Variants in TMTC2 observed in about 807,000 individuals in gnomAD.
The protein encoded by TMTC2 is transmembrane O-mannosyltransferase targeting cadherins 2, also known as protein O-mannosyl-transferase TMTC2.
TMTC2 carries 43 observed loss-of-function variants against 82.4 expected under a neutral mutation model. The observed-to-expected ratio is 0.52, with a 90% CI of 0.41 to 0.67. The LOEUF is 0.67. Ranked by LOEUF, TMTC2 falls within the 30% of genes least tolerant of loss-of-function variation. TMTC2 has a pLI of 0.00. For missense variants in TMTC2, 919 were observed against 1,012.4 expected, an observed-to-expected ratio of 0.91 and a Z score of 1.25; for synonymous variants, 408 against 381.9, an observed-to-expected ratio of 1.07 and a Z score of -0.80.
intron 9 of TMTC2, among the ~76,000 whole-genome samples, chr12:83,032,257 T>TTATATATATATATATATA (rs57604518): frequency 1.4e-4 from 18 of 130,826 alleles, no homozygotes; most frequent in South Asian, 2.4e-4. Flanking sequence ...AGAGAATATT[T>TTATATATATATATATATA]TATATATATA....
At chr12:82,752,465 G>A (rs1283527401) in intron 1 of TMTC2, among the ~76,000 whole-genome samples, 5 of 152,032 alleles carry the variant, frequency 3.3e-5, no homozygotes, top group Non-Finnish European at 7.4e-5. Flanking sequence ...CAGCCTGGGC[G>A]ACAGAGCGAG....
chr12:82,737,046 C>T (rs889866720), intron 1 of TMTC2, among the ~76,000 whole-genome samples: 4 of 152,174 alleles, frequency 2.6e-5, no homozygotes, highest in African/African-American at 9.6e-5. Flanking sequence ...AATAAAAAGT[C>T]CATCAGGGAG....
chr12:82,833,091 T>C (rs914057506), intron 1 of TMTC2, among the ~76,000 whole-genome samples: 2 of 152,230 alleles, frequency 1.3e-5, no homozygotes, highest in Admixed American at 1.3e-4. Flanking sequence ...CTATGCATTT[T>C]TGTCGTCTTT....
At chr12:82,990,392 A>C (rs1387117789) in intron 8 of TMTC2, among the ~76,000 whole-genome samples, 2 of 152,128 alleles carry the variant, frequency 1.3e-5, no homozygotes, top group Non-Finnish European at 2.9e-5. Flanking sequence ...ATATTTACAG[A>C]ATTTAGAAAA....
At chr12:82,939,934 A>G (rs2137260296) in intron 4 of TMTC2, among the ~76,000 whole-genome samples, 1 of 150,944 alleles carries the variant, frequency 6.6e-6, no homozygotes, top group East Asian at 1.9e-4. Context: ...CAGTGATTGT[A>G]TATTAAAGTA....
chr12:83,083,981 T>C (rs377634261), intron 11 of TMTC2, among the ~76,000 whole-genome samples: 10 of 152,234 alleles, frequency 6.6e-5, no homozygotes, highest in African/African-American at 2.4e-4. Flanking sequence ...ATGGAGAACC[T>C]AGAAATCTTC....
intron 1 of TMTC2, among the ~76,000 whole-genome samples, chr12:82,802,105 G>GAGGCTCTGGCAGGGGGA (rs1879037419): frequency 1.3e-5 from 2 of 152,110 alleles, no homozygotes; most frequent in Non-Finnish European, 2.9e-5. Flanking sequence ...GTTCGTGGGG[G>GAGGCTCTGGCAGGGGGA]AGGCTCTGGC....
intron 10 of TMTC2, among the ~76,000 whole-genome samples, chr12:83,058,003 C>T (rs1282676089): frequency 6.6e-6 from 1 of 151,786 alleles, no homozygotes; most frequent in African/African-American, 2.4e-5. Context: ...TCGCTTCAAA[C>T]ATTTCATAGG....
At chr12:83,040,876 G>A (rs1472996411) in intron 9 of TMTC2, among the ~76,000 whole-genome samples, 1 of 151,900 alleles carries the variant, frequency 6.6e-6, no homozygotes, top group Admixed American at 6.6e-5. Flanking sequence ...AGTAGAGACA[G>A]GGGATCACCG....
intron 7 of TMTC2, among the ~76,000 whole-genome samples, chr12:82,975,692 A>G (rs1426985120): frequency 6.6e-6 from 1 of 152,166 alleles, no homozygotes; most frequent in African/African-American, 2.4e-5. Flanking sequence ...AGGAGTACAC[A>G]TGAAATGTAT....
chr12:82,851,217 G>A (rs943331220), intron 1 of TMTC2, among the ~76,000 whole-genome samples: 7 of 151,938 alleles, frequency 4.6e-5, no homozygotes, highest in African/African-American at 7.3e-5. Context: ...ATCACCTGAG[G>A]TCAGGAGTTC....
chr12:82,983,156 G>A (rs1879001008), intron 7 of TMTC2, among the ~76,000 whole-genome samples: 2 of 151,958 alleles, frequency 1.3e-5, no homozygotes, highest in Admixed American at 6.6e-5. Context: ...TTTGTCACCT[G>A]TAACTTGTTA....
chr12:82,711,844 A>T (rs149077870), intron 1 of TMTC2, among the ~76,000 whole-genome samples: 1 of 152,210 alleles, frequency 6.6e-6, no homozygotes, highest in Admixed American at 6.5e-5. Flanking sequence ...AGCTCAGTTG[A>T]TTATCATTAC....
rs571202525 is a variant in TMTC2, at chr12:83,005,728, G to A, written c.2070+19682G>A. On this transcript the variant is annotated intron_variant, in intron 8 of 11. Coordinates refer to ENST00000321196, the MANE Select transcript of TMTC2 (RefSeq NM_152588.3). ...GGTTTTGGCGGGGAATTGCCCCAGG[G>A]TGGGGTTGCTCCCAGGCCACTAGCA... Among the ~76,000 whole-genome samples, 259 of 152,306 alleles carry A rather than the reference G, an allele frequency of 1.7e-3. 1 individual carries two copies. Among genetic ancestry groups the A allele is most frequent in the African/African-American group, 6.0e-3 (251 of 41,558 alleles).
intron 8 of TMTC2, among the ~76,000 whole-genome samples, chr12:83,017,009 G>T (rs1220953982): frequency 2.0e-5 from 3 of 152,212 alleles, no homozygotes; most frequent in African/African-American, 7.2e-5. Context: ...ATTGCAGTGT[G>T]CTGTGACAAC....
At chr12:82,855,281 T>C (rs757807237) in intron 1 of TMTC2, among the ~76,000 whole-genome samples, 9 of 152,188 alleles carry the variant, frequency 5.9e-5, no homozygotes, top group Non-Finnish European at 1.2e-4. Flanking sequence ...CTGTGATAGT[T>C]TATTTTTGCA....
At position 83,061,613 on chromosome 12, in the gene TMTC2, C is replaced by A. The variant is rs539628966; in HGVS notation, c.2268-155C>A. Among the ~76,000 whole-genome samples, 7 of 151,850 alleles carry A rather than the reference C, an allele frequency of 4.6e-5. No individual in the cohort carries two copies. The South Asian group carries it at 1.2e-3, about 27-fold the overall frequency. Reference sequence around the variant, plus strand: ...CTTAAATACATTAACAAGTGCAATGCAAACACTCAATTTTTAAGTCTTTTT... The same window carrying A: ...CTTAAATACATTAACAAGTGCAATGAAAACACTCAATTTTTAAGTCTTTTT... On this transcript the variant is annotated intron_variant, in intron 10 of 11. Transcript: ENST00000321196.
At chr12:83,039,674 A>G (rs374400874) in intron 9 of TMTC2, among the ~76,000 whole-genome samples, 2 of 152,108 alleles carry the variant, frequency 1.3e-5, no homozygotes, top group East Asian at 1.9e-4. Context: ...AGTTAATAGT[A>G]GATAAATTCT....
chr12:82,703,203 CA>C (rs1357299353), intron 1 of TMTC2, among the ~76,000 whole-genome samples: 2 of 151,974 alleles, frequency 1.3e-5, no homozygotes, highest in East Asian at 3.9e-4. Flanking sequence ...GTCCTGTCTC[CA>C]GAAAAGAAAA....
Sources: allele counts gnomAD v4.1 joint callset (sites outside exome capture counted in the v4.1 genomes callset), GRCh38; gene constraint gnomAD v4.1.1; transcripts MANE v1.5; gene names NCBI Gene and HGNC (gene_info 2026-07-23, HGNC 2026-07-21).